Variants in TCERG1L observed in about 807,000 individuals in gnomAD.
TCERG1L encodes transcription elongation regulator 1-like protein.
TCERG1L carries 37 observed loss-of-function variants against 56.3 expected under a neutral mutation model. The ratio of observed to expected loss-of-function variants is 0.66; its 90% CI spans 0.51 to 0.87. TCERG1L has a LOEUF of 0.87. Ranked by LOEUF, TCERG1L falls within the 40% of genes least tolerant of loss-of-function variation. The pLI, the probability that TCERG1L is intolerant of heterozygous loss-of-function variation, is 0.00. For synonymous variants in TCERG1L, 324 were observed against 326.3 expected (o/e 0.99, Z 0.08); for missense variants, 799 against 774.2 (o/e 1.03, Z -0.38).
At chr10:131,238,876 G>A (rs954235778) in intron 4 of TCERG1L, among the ~76,000 whole-genome samples, 7 of 152,198 alleles carry the variant, frequency 4.6e-5, no homozygotes, top group African/African-American at 1.7e-4. Flanking sequence ...TGCAGAGGGG[G>A]ATCTGTCCTG....
intron 8 of TCERG1L, among the ~76,000 whole-genome samples, chr10:131,129,640 G>T (rs556003193): frequency 6.6e-6 from 1 of 152,028 alleles, no homozygotes; most frequent in African/African-American, 2.4e-5. Flanking sequence ...ACCATCTTAC[G>T]CCACCTATCT....
chr10:131,257,359 C>T (rs1221288601), intron 4 of TCERG1L, among the ~76,000 whole-genome samples: 4 of 152,196 alleles, frequency 2.6e-5, no homozygotes, highest in Admixed American at 6.5e-5. Flanking sequence ...AAGAGAAGCC[C>T]GGTTCACGGC....
intron 4 of TCERG1L, among the ~76,000 whole-genome samples, chr10:131,224,715 G>A (rs1342974345): frequency 1.3e-5 from 2 of 152,146 alleles, no homozygotes; most frequent in Non-Finnish European, 2.9e-5. Context: ...GAAGTGCACG[G>A]CCCATCGCAG....
intron 4 of TCERG1L, among the ~76,000 whole-genome samples, chr10:131,220,871 C>T (rs1207902114): frequency 6.6e-6 from 1 of 152,232 alleles, no homozygotes; most frequent in Non-Finnish European, 1.5e-5. Context: ...CCCAGTCCGC[C>T]ATGCCCTCGT....
chr10:131,148,077 G>A (rs534020690), intron 6 of TCERG1L, among the ~76,000 whole-genome samples: 2 of 152,346 alleles, frequency 1.3e-5, no homozygotes, highest in African/African-American at 4.8e-5. Flanking sequence ...GAGTGTGGGA[G>A]CCAAAATGAT....
chr10:131,271,634 T>C (rs952316887), intron 3 of TCERG1L, among the ~76,000 whole-genome samples: 7 of 152,218 alleles, frequency 4.6e-5, no homozygotes, highest in African/African-American at 1.7e-4. Flanking sequence ...GCAGAACAGA[T>C]AAAATGCTAA....
intron 3 of TCERG1L, among the ~76,000 whole-genome samples, chr10:131,283,604 A>C (rs1194626725): frequency 2.0e-5 from 3 of 152,250 alleles, no homozygotes; most frequent in Non-Finnish European, 4.4e-5. Context: ...AAAATATACT[A>C]ATTGTATATG....
At chr10:131,290,740 A>C (rs1968518) in intron 3 of TCERG1L, among the ~76,000 whole-genome samples, 115,134 of 151,968 alleles carry the variant, frequency 0.76, 44,223 homozygotes, top group Non-Finnish European at 0.82. Flanking sequence ...TGAAGGCCAT[A>C]CATTTTTTAA....
intron 6 of TCERG1L, chr10:131,162,826 G>C (rs1464217230): frequency 3.7e-6 from 1 of 269,340 alleles, no homozygotes; most frequent in Non-Finnish European, 6.9e-6. Flanking sequence ...GAAGCATAAG[G>C]CATGCTACAC....
rs115052378 is a variant in TCERG1L, at chr10:131,212,411, A to T, written c.857-45526T>A. ...AAATGCATGATGGGAAACTCCATTT[A>T]TCTAGAACAAATGCATGATGGGAAA... On this transcript the variant is annotated intron_variant, in intron 4 of 11. Transcript: ENST00000368642. 3.5e-3 allele frequency among the ~76,000 whole-genome samples: 533 copies of T among 152,334 alleles called. 4 individuals are homozygous for T. The highest frequency in any genetic ancestry group is 0.014 in the Middle Eastern group (4 of 294).
intron 3 of TCERG1L, among the ~76,000 whole-genome samples, chr10:131,285,521 A>AG (rs1846524588): frequency 2.9e-5 from 1 of 34,364 alleles, no homozygotes; most frequent in South Asian, 1.2e-3. Flanking sequence ...AGAAAGAAAG[A>AG]AAGAGAGAAA....
intron 4 of TCERG1L, among the ~76,000 whole-genome samples, chr10:131,188,292 G>C (rs1302336171): frequency 1.3e-5 from 2 of 152,168 alleles, no homozygotes; most frequent in African/African-American, 4.8e-5. Flanking sequence ...TGACACAAGA[G>C]AACACAGTAA....
chr10:131,194,125 C>T (rs756544469), intron 4 of TCERG1L, among the ~76,000 whole-genome samples: 12 of 152,252 alleles, frequency 7.9e-5, no homozygotes, highest in African/African-American at 2.9e-4. Context: ...GAGCTTTGAC[C>T]CGTGCCAAAG....
chr10:131,115,980 G>A (rs1161998010), intron 9 of TCERG1L, among the ~76,000 whole-genome samples: 1 of 152,192 alleles, frequency 6.6e-6, no homozygotes, highest in Non-Finnish European at 1.5e-5. Flanking sequence ...GTGGGTGCTG[G>A]CTGCAGAGGA....
chr10:131,124,096 C>T (rs1289028971), intron 8 of TCERG1L, among the ~76,000 whole-genome samples: 2 of 152,138 alleles, frequency 1.3e-5, no homozygotes, highest in South Asian at 4.2e-4. Context: ...TGCTCCTTTC[C>T]TTGCCTTGCT....
chr10:131,160,281 T>C (rs894155674), intron 6 of TCERG1L, among the ~76,000 whole-genome samples: 3 of 152,174 alleles, frequency 2.0e-5, no homozygotes, highest in Admixed American at 2.0e-4. Context: ...ACTGCACCTC[T>C]GCCTTAGTGG....
intron 4 of TCERG1L, among the ~76,000 whole-genome samples, chr10:131,241,429 G>T (rs1226107280): frequency 2.0e-5 from 3 of 152,070 alleles, no homozygotes; most frequent in Non-Finnish European, 4.4e-5. Context: ...GGAGGAGGAA[G>T]CACCTGTGAC....
At chr10:131,242,073 C>T (rs1276877258) in intron 4 of TCERG1L, among the ~76,000 whole-genome samples, 1 of 152,186 alleles carries the variant, frequency 6.6e-6, no homozygotes, top group Non-Finnish European at 1.5e-5. Flanking sequence ...ACAGAATTTT[C>T]AACACCGAAG....
At chr10:131,151,817 A>G (rs1429605607) in intron 6 of TCERG1L, among the ~76,000 whole-genome samples, 2 of 152,126 alleles carry the variant, frequency 1.3e-5, no homozygotes, top group Admixed American at 6.5e-5. Context: ...AGGCATTTCC[A>G]TACTTCCTCT....
Sources: allele counts gnomAD v4.1 joint callset (sites outside exome capture counted in the v4.1 genomes callset), GRCh38; gene constraint gnomAD v4.1.1; transcripts MANE v1.5; gene names NCBI Gene and HGNC (gene_info 2026-07-23, HGNC 2026-07-21).